PPFIBP2: variants seen among roughly 807,000 people sequenced by gnomAD.
PPFIBP2 encodes the protein liprin-beta-2.
Under a neutral mutation model 118.3 loss-of-function variants are expected in PPFIBP2, and 118 were observed. The ratio of observed to expected loss-of-function variants is 1.00; its 90% CI spans 0.86 to 1.16. The LOEUF (loss-of-function observed/expected upper bound fraction) is 1.16, where lower values mean the gene tolerates loss of function less well. PPFIBP2 is among the 50% of genes most tolerant of loss of function. The pLI, the probability that PPFIBP2 is intolerant of heterozygous loss-of-function variation, is 0.00. For synonymous variants in PPFIBP2, 414 were observed against 397.4 expected (o/e 1.04, Z -0.50); for missense variants, 1,195 against 1,073.1 (o/e 1.11, Z -1.59).
chr11:7,603,368 C>T (rs760534453), intron 5 of PPFIBP2, among the ~76,000 whole-genome samples: 23 of 152,180 alleles, frequency 1.5e-4, no homozygotes, highest in Non-Finnish European at 3.2e-4. Context: ...AGGACTGAGC[C>T]TGGCCTCAAA....
intron 5 of PPFIBP2, among the ~76,000 whole-genome samples, chr11:7,603,382 G>A (rs529292935): frequency 1.3e-5 from 2 of 152,244 alleles, no homozygotes; most frequent in East Asian, 1.9e-4. Flanking sequence ...CCTCAAACTC[G>A]AGTTGACTAC....
chr11:7,565,811 A>G (rs761871609), intron 3 of PPFIBP2, 44 bp downstream of exon 3: 3 of 1,598,332 alleles, frequency 1.9e-6, no homozygotes, highest in South Asian at 1.1e-5. Flanking sequence ...GGGGAATGTA[A>G]TGGTGCAGCC....
At chr11:7,585,016 G>A (rs1331963784) in intron 3 of PPFIBP2, among the ~76,000 whole-genome samples, 1 of 152,148 alleles carries the variant, frequency 6.6e-6, no homozygotes, top group African/African-American at 2.4e-5. Flanking sequence ...AAATAAGGAA[G>A]AACCATTTTA....
Position 7,526,258 on chromosome 11 carries a change from G to T in PPFIBP2, c.-37+12137G>T, listed in dbSNP as rs78147573. ...AGGCTTTGTGGATCAACCAACTGGG[G>T]TGGGATCCTGGGGAGCTGGGAAGAA... On this transcript the variant is annotated intron_variant, in intron 1 of 23. Transcript: ENST00000299492. Among the ~76,000 whole-genome samples, 513 of 152,336 alleles carry T rather than the reference G, an allele frequency of 3.4e-3. 5 individuals are homozygous for T. Among genetic ancestry groups the T allele is most frequent in the African/African-American group, 0.012 (488 of 41,572 alleles).
At position 7,563,044 on chromosome 11, in the gene PPFIBP2, C is replaced by T. The variant is rs541307414; in HGVS notation, c.65-2509C>T. On this transcript the variant is annotated intron_variant, in intron 2 of 23. Transcript: ENST00000299492. ...ACATGTACTCACATACATGTACACA[C>T]GCATACTCTGAATAGTAGGAAAGAA... Among the ~76,000 whole-genome samples the T allele has an allele frequency of 2.2e-4, 33 of 149,428 alleles. 1 individual carries two copies. The South Asian group carries it at 3.2e-3, about 15-fold the overall frequency.
chr11:7,546,314 CAA>C (rs930440744), intron 1 of PPFIBP2, among the ~76,000 whole-genome samples: 1 of 152,268 alleles, frequency 6.6e-6, no homozygotes, highest in Non-Finnish European at 1.5e-5. Context: ...AATAGGCTGG[CAA>C]AAAGAGTCAT....
intron 12 of PPFIBP2, among the ~76,000 whole-genome samples, chr11:7,633,646 C>T (rs1851070219): frequency 6.6e-6 from 1 of 152,180 alleles, no homozygotes; most frequent in East Asian, 1.9e-4. Context: ...AGCCTGCACT[C>T]TGAGTCCACT....
chr11:7,665,222 G>C, the PPFIBP2 span: 2 of 638,122 alleles, frequency 3.1e-6, no homozygotes, highest in South Asian at 2.9e-5. Context: ...AGCCCTTTTT[G>C]TTAGGCCCAC....
chr11:7,545,486 G>A (rs1404181694), intron 1 of PPFIBP2, among the ~76,000 whole-genome samples: 1 of 152,156 alleles, frequency 6.6e-6, no homozygotes, highest in African/African-American at 2.4e-5. Context: ...TGTTTTTACA[G>A]TGTATTATAA....
At chr11:7,536,540 T>C (rs1851235319) in intron 1 of PPFIBP2, among the ~76,000 whole-genome samples, 1 of 152,072 alleles carries the variant, frequency 6.6e-6, no homozygotes, top group African/African-American at 2.4e-5. Flanking sequence ...GGGGCAACTC[T>C]TAGACAGCAT....
intron 5 of PPFIBP2, among the ~76,000 whole-genome samples, chr11:7,608,493 C>T (rs1847666851): frequency 6.6e-6 from 1 of 151,920 alleles, no homozygotes; most frequent in Non-Finnish European, 1.5e-5. Context: ...ATACAAAATC[C>T]GCTGGGCGTG....
chr11:7,665,234 C>G, the PPFIBP2 span: 1 of 728,286 alleles, frequency 1.4e-6, no homozygotes, highest in Middle Eastern at 2.7e-4. Flanking sequence ...TAGGCCCACA[C>G]CCAAAAGAGG....
At chr11:7,617,336 G>A (rs771220865) in intron 6 of PPFIBP2, 1 of 979,004 alleles carries the variant, frequency 1.0e-6, no homozygotes, top group East Asian at 1.1e-4. Flanking sequence ...GCGTGTGTGG[G>A]GCATTTCACT....
At chr11:7,632,249 C>G (rs1313576000) in intron 11 of PPFIBP2, 1 of 152,344 alleles carries the variant, frequency 6.6e-6, no homozygotes, top group East Asian at 1.9e-4. Flanking sequence ...AGCCTTCCCT[C>G]TGGTGAGAGG....
At chr11:7,648,283 T>C (rs1247466830) in intron 17 of PPFIBP2, 104 bp from the exon 18 acceptor site, 1 of 1,343,518 alleles carries the variant, frequency 7.4e-7, no homozygotes, top group East Asian at 2.4e-5. Flanking sequence ...AACAGGTTTT[T>C]TGTTTTGTTT....
chr11:7,625,143 AAAGTATGTAAATG>A (rs1849818776), intron 7 of PPFIBP2, among the ~76,000 whole-genome samples: 1 of 151,922 alleles, frequency 6.6e-6, no homozygotes, highest in Non-Finnish European at 1.5e-5. Context: ...TTTTTTTGCA[AAAGTATGTAAATG>A]AAGCACTCCT....
intron 3 of PPFIBP2, among the ~76,000 whole-genome samples, chr11:7,584,260 A>G (rs976191764): frequency 1.3e-5 from 2 of 152,216 alleles, no homozygotes; most frequent in Admixed American, 1.3e-4. Context: ...TTGGTCAACC[A>G]AGAAGCTATT....
rs146233455 is a variant in PPFIBP2 at position 7,639,212 on chromosome 11, C to T, written c.1237-520C>T. On this transcript the variant is annotated intron_variant, in intron 14 of 23. Transcript: ENST00000299492. ...GAGTAAGGGTTCCAATTAGCAGAAG[C>T]ACCTCTCTCCTCACCACAGGAAAGC... 3.2e-4 allele frequency among the ~76,000 whole-genome samples: 49 copies of T among 152,292 alleles called. 1 individual carries two copies. The South Asian group carries it at 8.5e-3, about 26-fold the overall frequency.
downstream of PPFIBP2, among the ~76,000 whole-genome samples, chr11:7,655,756 C>T (rs182050985): frequency 1.3e-5 from 2 of 151,782 alleles, no homozygotes; most frequent in Admixed American, 6.6e-5. Context: ...AGCTAAAGCA[C>T]ACTAGATCTC....
Sources: gnomAD v4.1 joint callset for allele counts (sites outside exome capture counted in the v4.1 genomes callset) on GRCh38, gnomAD v4.1.1 for gene constraint, MANE v1.5 for transcripts, NCBI Gene and HGNC (gene_info 2026-07-23, HGNC 2026-07-21) for gene names.